The following ANKRD13D variants were observed in gnomAD, a reference collection of about 807,000 sequenced individuals.
ANKRD13D encodes the protein ankyrin repeat domain-containing protein 13D.
Under a neutral mutation model 68.8 loss-of-function variants are expected in ANKRD13D, and 24 were observed. The ratio of observed to expected loss-of-function variants is 0.35; its 90% CI spans 0.25 to 0.49. The LOEUF is 0.49. Among genes scored for constraint, ANKRD13D ranks in the 20% least tolerant of loss-of-function variants. The pLI is 0.99. For missense variants in ANKRD13D, 735 were observed against 832.1 expected, an observed-to-expected ratio of 0.88 and a Z score of 1.44; for synonymous variants, 331 against 336.1, an observed-to-expected ratio of 0.98 and a Z score of 0.16.
Position 67,290,416 on chromosome 11 carries a change from C to T in ANKRD13D, c.321C>T (p.Gly107=), listed in dbSNP as rs1050701259. ...AGAGGGCCACGCAGAGGCTGGCGGG[C>T]ATTCCGGAACTGCTCAACAAACTTC... ...DYQRATQRLA[G]IPELLNKLRQ... is the part of the protein sequence containing the mutation. The change falls in exon 3 of 15, where the codon GGC becomes GGT. Residue 107 remains glycine (G), a synonymous_variant. Coordinates refer to ENST00000511455, the MANE Select transcript of ANKRD13D (RefSeq NM_207354.3). The T allele has an allele frequency of 1.5e-5, 24 of 1,589,354 alleles. No individual in the cohort carries two copies. The highest frequency in any genetic ancestry group is 3.4e-5 in the South Asian group (3 of 87,438).
chr11:67,289,553 G>A lies in ANKRD13D; in HGVS notation c.90+3G>A. On this transcript the variant is annotated splice_donor_region_variant and intron_variant, in intron 1 of 14. Coordinates refer to ENST00000511455, the MANE Select transcript of ANKRD13D (RefSeq NM_207354.3). The stretch of plus-strand genomic sequence containing the variant: ...AGGCCGCACTGCACAGCCACCAGGT[G>A]AGGCCCCGCTGGGGCACCCGGCCCT... The A allele has an allele frequency of 6.6e-7, 1 of 1,524,556 alleles. No homozygotes were observed. Among genetic ancestry groups the A allele is most frequent in the African/African-American group, 1.4e-5 (1 of 71,172 alleles). 94.4% of individuals were successfully genotyped at this position (1,524,556 alleles called of 1,614,324 possible). A position where few individuals can be genotyped will look rare whatever the true frequency, so the allele number is the denominator to read the frequency against.
At chr11:67,291,553 TG>T in intron 4 of ANKRD13D, 32 bp downstream of exon 4, 1 of 1,613,684 alleles carries the variant, frequency 6.2e-7, no homozygotes, top group South Asian at 1.1e-5. Flanking sequence ...CCCAGGGATT[TG>T]GGGTGGGGCC....
At position 67,302,000 on chromosome 11, in the gene ANKRD13D, C is replaced by T; in HGVS notation, c.1605-119C>T. On this transcript the variant is annotated intron_variant, in intron 14 of 14. Transcript: ENST00000511455. The surrounding 1 kb of genome is among the most constrained non-coding windows in gnomAD (Gnocchi z 4.5). ...GGGGAAGCAGGGCCCTGCCTTGTCT[C>T]CTCTGCTTGCCACCCTGTCTTTGCC... The T allele has an allele frequency of 2.9e-6, 4 of 1,373,070 alleles. No individual in the cohort carries two copies. The highest frequency in any genetic ancestry group is 1.5e-5 in the South Asian group (1 of 67,592). 85.1% of individuals were successfully genotyped at this position (1,373,070 alleles called of 1,614,324 possible). A position where few individuals can be genotyped will look rare whatever the true frequency, so the allele number is the denominator to read the frequency against.
At chr11:67,298,689 CT>C (rs1300916294) in intron 6 of ANKRD13D, 3 of 217,586 alleles carry the variant, frequency 1.4e-5, no homozygotes, top group African/African-American at 6.7e-5. Flanking sequence ...CTTACTGAAT[CT>C]ATCCTTCCTT....
Position 67,301,228 on chromosome 11 carries a change from C to A in ANKRD13D, c.1232-54C>A. The A allele has an allele frequency of 6.3e-7, 1 of 1,595,020 alleles. No homozygotes were observed. Among genetic ancestry groups the A allele is most frequent in the Non-Finnish European group, 8.6e-7 (1 of 1,168,806 alleles). ...CGCAGTCCCTGGAGAGCTGCAGGGG[C>A]CGGAGGCACAGGTGGCTCTCCGCCA... On this transcript the variant is annotated intron_variant, in intron 11 of 14. Coordinates refer to ENST00000511455, the MANE Select transcript of ANKRD13D (RefSeq NM_207354.3). This position sits in a 1 kb window ranked among gnomAD's most constrained non-coding sequence, Gnocchi z 4.5.
At position 67,302,192 on chromosome 11, in the gene ANKRD13D, C is replaced by A. The variant is rs751402979; in HGVS notation, c.1678C>A (p.Pro560Thr). ...PGSPPRTPPA[P>T]GPPSFEEQLR... Reference sequence around the variant, plus strand: ...ATCCCCTCCCAGGACACCCCCAGCCCCCGGTCCACCCAGCTTTGAAGAGCA... The same window carrying A: ...ATCCCCTCCCAGGACACCCCCAGCCACCGGTCCACCCAGCTTTGAAGAGCA... The change falls in exon 15 of 15, where the codon CCC (proline) becomes ACC (threonine). Residue 560 changes from proline to threonine, a missense_variant. Coordinates refer to ENST00000511455, the MANE Select transcript of ANKRD13D (RefSeq NM_207354.3). 1.3e-6 allele frequency: 2 copies of A among 1,592,562 alleles called. No homozygotes were observed. The highest frequency in any genetic ancestry group is 1.7e-6 in the Non-Finnish European group (2 of 1,170,190).
intron 2 of ANKRD13D, 36 bp from the exon 3 acceptor site, chr11:67,290,286 T>C: frequency 6.5e-7 from 1 of 1,546,990 alleles, no homozygotes. Flanking sequence ...CCTGGGGTCA[T>C]CTGGAGGGCT....
chr11:67,293,744 T>C (rs1860665674), intron 6 of ANKRD13D, among the ~76,000 whole-genome samples: 1 of 152,182 alleles, frequency 6.6e-6, no homozygotes, highest in Non-Finnish European at 1.5e-5. Context: ...TCTTAAACTC[T>C]TAGGCTGAAG....
Position 67,300,675 on chromosome 11 carries a change from C to CCGTATCAT in ANKRD13D, c.1074-315_1074-314insCGTATCAT. On this transcript the variant is annotated intron_variant, in intron 10 of 14. Transcript: ENST00000511455. The surrounding 1 kb of genome is among the most constrained non-coding windows in gnomAD (Gnocchi z 4.3). The stretch of plus-strand genomic sequence containing the variant: ...ACGTGAGCTGGTGACCAGCTCTGGG[C>CCGTATCAT]TGAGGAGGAAAACGGGGCTGTGGGC... 2.0e-6 allele frequency: 1 copy of CCGTATCAT among 506,802 alleles called. No individual in the cohort carries two copies. Among genetic ancestry groups the CCGTATCAT allele is most frequent in the Non-Finnish European group, 3.5e-6 (1 of 288,016 alleles). The allele number at this position is 506,802 out of a possible 1,614,324, so 31.4% of individuals were successfully genotyped here.
intron 1 of ANKRD13D, 67 bp downstream of exon 1, chr11:67,289,617 T>TGGGGGGGGGGGGGGG: frequency 8.9e-7 from 1 of 1,125,060 alleles, no homozygotes; most frequent in Non-Finnish European, 1.1e-6. Context: ...GCCTCCGTCC[T>TGGGGGGGGGGGGGGG]GGAGCCCCCC....
chr11:67,302,333 G>C lies in ANKRD13D; in HGVS notation c.*1G>C. On this transcript the variant is annotated 3_prime_UTR_variant, in exon 15 of 15. Coordinates refer to ENST00000511455, the MANE Select transcript of ANKRD13D (RefSeq NM_207354.3). ...GCAGCTGTCACTCACTGAGCACTGA[G>C]CCATAGCCCCGGGAGGGCTGGCCAG... 1.3e-6 allele frequency: 2 copies of C among 1,512,526 alleles called. No individual in the cohort carries two copies. Among genetic ancestry groups the C allele is most frequent in the Non-Finnish European group, 1.8e-6 (2 of 1,121,366 alleles). 93.7% of individuals were successfully genotyped at this position (1,512,526 alleles called of 1,614,324 possible).
Position 67,300,016 on chromosome 11 carries a change from C to T in ANKRD13D, c.966C>T (p.Ser322=), listed in dbSNP as rs1172730363. ...AGGCCCCCGTGCAGCAGGCAGCCAG[C>T]CCCACCAACCCCACAGCCATCTCCC... ...HTGAPVQQAA[S]PTNPTAISPE... is the part of the protein sequence containing the mutation. Residue 322 remains serine, a synonymous_variant, in exon 10 of 15, where the codon AGC becomes AGT. Transcript: ENST00000511455. This position sits in a 1 kb window ranked among gnomAD's most constrained non-coding sequence, Gnocchi z 4.3. 6.2e-7 allele frequency: 1 copy of T among 1,613,154 alleles called. No individual in the cohort carries two copies. The highest frequency in any genetic ancestry group is 8.5e-7 in the Non-Finnish European group (1 of 1,179,550).
Position 67,300,869 on chromosome 11 carries a change from A to G in ANKRD13D, c.1074-121A>G, listed in dbSNP as rs77913150. The G allele has an allele frequency of 8.1e-4, 1,046 of 1,289,788 alleles. 11 individuals are homozygous for G. The African/African-American group carries it at 0.014, about 17-fold the overall frequency. 79.9% of individuals were successfully genotyped at this position (1,289,788 alleles called of 1,614,324 possible). On this transcript the variant is annotated intron_variant, in intron 10 of 14. Transcript: ENST00000511455. This position sits in a 1 kb window ranked among gnomAD's most constrained non-coding sequence, Gnocchi z 4.3. ...GAGGCGGGCAGCGGCATCTGAGCAG[A>G]GCAGGGCACTCCAGGCCAGGCAGAA...
chr11:67,289,652 G>A, intron 1 of ANKRD13D, 102 bp downstream of exon 1: 1 of 1,083,464 alleles, frequency 9.2e-7, no homozygotes, highest in Non-Finnish European at 1.2e-6. Context: ...GCTCAGCTCC[G>A]CAGCCACATC....
At chr11:67,291,799 C>T (rs1264026230) in intron 5 of ANKRD13D, 53 bp downstream of exon 5, 15 of 1,598,684 alleles carry the variant, frequency 9.4e-6, no homozygotes, top group Middle Eastern at 1.7e-4. Flanking sequence ...TTTCCTGCGG[C>T]TTGGGAGGAC....
chr11:67,290,287 C>A, intron 2 of ANKRD13D, 35 bp from the exon 3 acceptor site: 1 of 1,547,086 alleles, frequency 6.5e-7, no homozygotes, highest in East Asian at 2.4e-5. Context: ...CTGGGGTCAT[C>A]TGGAGGGCTC....
intron 6 of ANKRD13D, among the ~76,000 whole-genome samples, chr11:67,293,486 C>T (rs968470105): frequency 6.6e-6 from 1 of 152,128 alleles, no homozygotes; most frequent in Non-Finnish European, 1.5e-5. Context: ...ATCCTTTACT[C>T]ATTTTTTATT....
intron 1 of ANKRD13D, 193 bp from the exon 2 acceptor site, chr11:67,289,885 C>A (rs1590862105): frequency 1.4e-6 from 2 of 1,434,700 alleles, no homozygotes; most frequent in Non-Finnish European, 1.8e-6. Flanking sequence ...CGCCGCCAGA[C>A]CCCGGCTCTG....
At chr11:67,302,078 G>A (rs1354563229) in intron 14 of ANKRD13D, 41 bp from the exon 15 acceptor site, 21 of 1,493,942 alleles carry the variant, frequency 1.4e-5, no homozygotes, top group East Asian at 2.5e-5. Flanking sequence ...CAGCCTTGGC[G>A]CTCACTGGCC....
Sources: allele counts gnomAD v4.1 joint callset (sites outside exome capture counted in the v4.1 genomes callset), GRCh38; gene constraint gnomAD v4.1.1; non-coding constraint Gnocchi (gnomAD v3.1); transcripts MANE v1.5; gene names NCBI Gene and HGNC (gene_info 2026-07-23, HGNC 2026-07-21).